Variants in IDO2 observed in about 807,000 individuals in gnomAD.
IDO2 encodes the protein indoleamine 2,3-dioxygenase 2, also known as indoleamine 2,3-dioxygenase-like 1 protein.
In IDO2, 46 loss-of-function variants were observed where a neutral mutation model predicts 45.1. That is an observed-to-expected ratio of 1.02 (90% confidence interval 0.80 to 1.30). The LOEUF (loss-of-function observed/expected upper bound fraction) is 1.30, where lower values mean the gene tolerates loss of function less well. Ranked by LOEUF, IDO2 falls within the 50% of genes most tolerant of loss-of-function variation. The pLI is 0.00. For missense variants in IDO2, 544 were observed against 491.8 expected (o/e 1.11, Z -1.00); for synonymous variants, 218 against 184.9 (o/e 1.18, Z -1.45).
At chr8:39,977,145 T>A (rs113369141) in intron 3 of IDO2, among the ~76,000 whole-genome samples, 1 of 152,134 alleles carries the variant, frequency 6.6e-6, no homozygotes, top group Non-Finnish European at 1.5e-5. Context: ...TAATACAAAA[T>A]GTATTCTATG....
intron 8 of IDO2, chr8:39,998,325 T>C (rs564129426): frequency 6.6e-6 from 1 of 152,364 alleles, no homozygotes; most frequent in East Asian, 1.9e-4. Flanking sequence ...TGCAACTTTC[T>C]TTTGAAAAAT....
chr8:39,992,932 G>A (rs1801961957), intron 8 of IDO2, among the ~76,000 whole-genome samples: 1 of 152,122 alleles, frequency 6.6e-6, no homozygotes. Context: ...TGAGTCACTA[G>A]TCCTTTGCCC....
At chr8:40,001,787 T>C (rs568152865) in intron 8 of IDO2, among the ~76,000 whole-genome samples, 1 of 152,298 alleles carries the variant, frequency 6.6e-6, no homozygotes, top group Non-Finnish European at 1.5e-5. Context: ...AAGTCATAAA[T>C]ACTTTTTTGT....
At chr8:39,972,783 T>C (rs1029570232) in intron 3 of IDO2, among the ~76,000 whole-genome samples, 4 of 152,112 alleles carry the variant, frequency 2.6e-5, no homozygotes, top group Non-Finnish European at 5.9e-5. Flanking sequence ...GAACAGTAAG[T>C]AGCCATCAGC....
chr8:39,941,776 A>G (rs1807646421), intron 1 of IDO2, among the ~76,000 whole-genome samples: 2 of 152,214 alleles, frequency 1.3e-5, no homozygotes, highest in African/African-American at 4.8e-5. Flanking sequence ...AAAGAAAACC[A>G]GAAATGCATG....
intron 3 of IDO2, among the ~76,000 whole-genome samples, chr8:39,968,315 A>T (rs1050159661): frequency 2.6e-5 from 4 of 152,194 alleles, no homozygotes; most frequent in African/African-American, 9.7e-5. Flanking sequence ...AAAGGGCAAA[A>T]CTAGAAGGAT....
chr8:39,967,129 A>C (rs1219620789), intron 3 of IDO2, among the ~76,000 whole-genome samples: 5 of 152,234 alleles, frequency 3.3e-5, no homozygotes, highest in Admixed American at 2.6e-4. Flanking sequence ...AATTTCATAA[A>C]GCATAAAGAA....
chr8:39,992,153 G>T (rs1209172885), intron 8 of IDO2, among the ~76,000 whole-genome samples: 3 of 152,226 alleles, frequency 2.0e-5, no homozygotes, highest in African/African-American at 7.2e-5. Context: ...ACCAGGGGTG[G>T]ACTCTGTGCC....
chr8:39,998,751 G>A (rs929503340), intron 8 of IDO2, among the ~76,000 whole-genome samples: 3 of 143,918 alleles, frequency 2.1e-5, no homozygotes, highest in East Asian at 2.1e-4. Flanking sequence ...AGCAATTCTC[G>A]TGCCTCAACT....
intron 8 of IDO2, chr8:39,995,177 T>TTCCTCCTTC (rs760660808): frequency 1.6e-5 from 2 of 128,928 alleles, no homozygotes; most frequent in South Asian, 2.6e-4. Context: ...CCTCCTCTTC[T>TTCCTCCTTC]TCCTTCTTCT....
rs1428852466 is a variant in IDO2 at position 40,015,385 on chromosome 8, G to A, written c.1007G>A (p.Cys336Tyr). 2.0e-5 allele frequency: 32 copies of A among 1,613,942 alleles called. No homozygotes were observed. The highest frequency in any genetic ancestry group is 2.6e-5 in the Non-Finnish European group (31 of 1,179,870). Residue 336 changes from cysteine (C) to tyrosine (Y), a missense_variant, in exon 11 of 11, where the codon TGT becomes TAT. Physicochemically the swap from Cys to Tyr is radical, Grantham distance 194. Transcript: ENST00000502986. ...CACTTGCTGACAGCTTATAACCAGT[G>A]TGTGCAGGCCCTGGCAGAGCTGCGG...
At chr8:39,993,895 T>G (rs1467683704) in intron 8 of IDO2, among the ~76,000 whole-genome samples, 1 of 152,016 alleles carries the variant, frequency 6.6e-6, no homozygotes, top group African/African-American at 2.4e-5. Flanking sequence ...CAATCCCAGC[T>G]ACTCAGGAGG....
At position 39,991,565 on chromosome 8, in the gene IDO2, CTT is replaced by C. The variant is rs61354300; in HGVS notation, c.667+1747_667+1748del. On this transcript the variant is annotated intron_variant, in intron 8 of 10. Coordinates refer to ENST00000502986, the Ensembl canonical transcript of IDO2. ...CTAGGGCTCACTTTCAGACTCACTT[CTT>C]TTTTTTTTTTTTTTTTTTTGTGAGA... Among the ~76,000 whole-genome samples, 199 of 103,326 alleles carry C rather than the reference CTT, an allele frequency of 1.9e-3. 2 individuals carry two copies. Among genetic ancestry groups the C allele is most frequent in the South Asian group, 1.7e-3 (5 of 2,952 alleles). The allele number at this position is 103,326 out of a possible 152,430, so 67.8% of individuals were successfully genotyped here. A position where few individuals can be genotyped will look rare whatever the true frequency, so the allele number is the denominator to read the frequency against.
chr8:39,973,705 TA>T (rs1476778626), intron 3 of IDO2, among the ~76,000 whole-genome samples: 1 of 151,308 alleles, frequency 6.6e-6, no homozygotes, highest in East Asian at 1.9e-4. Context: ...GTGAGAGCTG[TA>T]AAACGAAAAT....
chr8:40,015,936 C>T (rs1802381515), exon 11 of IDO2: 1 of 362,376 alleles, frequency 2.8e-6, no homozygotes, highest in Non-Finnish European at 4.9e-6. Context: ...GATAAAATTG[C>T]CTGGGGATAC....
chr8:39,938,947 A>G (rs1241471560), intron 1 of IDO2, among the ~76,000 whole-genome samples: 8 of 152,186 alleles, frequency 5.3e-5, no homozygotes. Flanking sequence ...TGGTGAGGAT[A>G]TGGTGCAGTA....
intron 4 of IDO2, among the ~76,000 whole-genome samples, chr8:39,980,896 C>A (rs1808333277): frequency 6.6e-6 from 1 of 151,728 alleles, no homozygotes; most frequent in African/African-American, 2.4e-5. Context: ...ATTACAGGCA[C>A]CTGCCGCCAC....
At chr8:39,951,057 C>T (rs932128798) in intron 2 of IDO2, among the ~76,000 whole-genome samples, 27 of 151,554 alleles carry the variant, frequency 1.8e-4, no homozygotes, top group African/African-American at 6.3e-4. Flanking sequence ...CAAAACAAAA[C>T]AAAACAGCTC....
chr8:39,987,250 C>A (rs1389216996), intron 6 of IDO2: 1 of 152,256 alleles, frequency 6.6e-6, no homozygotes, highest in East Asian at 1.9e-4. Context: ...TGAAAAGTTT[C>A]ATGAGGCCTC....
Sources: allele counts gnomAD v4.1 joint callset (sites outside exome capture counted in the v4.1 genomes callset), GRCh38; gene constraint gnomAD v4.1.1; transcripts MANE v1.5; gene names NCBI Gene and HGNC (gene_info 2026-07-23, HGNC 2026-07-21).